AP1G1: variants seen among roughly 807,000 people sequenced by gnomAD.
AP1G1 encodes AP-1 complex subunit gamma-1.
A neutral mutation model predicts 108.3 loss-of-function variants in AP1G1; 7 were observed. The observed-to-expected ratio is 0.06, with a 90% CI of 0.04 to 0.12. AP1G1 has a LOEUF of 0.12. Ranked by LOEUF, AP1G1 falls within the 10% of genes least tolerant of loss-of-function variation. The pLI, the probability that AP1G1 is intolerant of heterozygous loss-of-function variation, is 1.00. For missense variants in AP1G1, 756 were observed against 1,010.7 expected (o/e 0.75, Z 3.42); for synonymous variants, 379 against 353.5 (o/e 1.07, Z -0.81).
rs2045473625 is a variant in AP1G1 at position 71,731,421 on chromosome 16, A to AG, written c.*1636dup. The AG allele has an allele frequency of 6.6e-6, 1 of 152,666 alleles. No individual in the cohort carries two copies. Among genetic ancestry groups the AG allele is most frequent in the South Asian group, 2.1e-4 (1 of 4,830 alleles). The allele number at this position is 152,666 out of a possible 1,614,324, so 9.5% of individuals were successfully genotyped here. A position where few individuals can be genotyped will look rare whatever the true frequency, so the allele number is the denominator to read the frequency against. ...TTTAAGTAAAGGCTTGGTGAAATGA[A>AG]GGGGAAAAAAAGGGATATTTGTTTC... On this transcript the variant is annotated 3_prime_UTR_variant, in exon 23 of 23. Transcript: ENST00000299980.
intron 6 of AP1G1, among the ~76,000 whole-genome samples, chr16:71,766,271 T>C (rs1391455274): frequency 2.6e-5 from 4 of 152,186 alleles, no homozygotes; most frequent in Admixed American, 1.3e-4. Context: ...GACTTATTTA[T>C]ATATATGGCT....
chr16:71,753,382 GTC>G (rs1450620860), intron 13 of AP1G1, among the ~76,000 whole-genome samples: 1 of 152,190 alleles, frequency 6.6e-6, no homozygotes, highest in East Asian at 1.9e-4. Flanking sequence ...CTCCGCTTAT[GTC>G]TCTGACATCC....
chr16:71,773,224 T>A lies in AP1G1; in HGVS notation c.465A>T (p.Lys155Asn). The change falls in exon 4 of 23, where the codon AAA becomes AAT. Residue 155 changes from lysine (K) to asparagine (N), a missense_variant. Transcript: ENST00000299980. The stretch of plus-strand genomic sequence containing the variant: ...CATTTGGTTCATTAAAAGTTACCTT[T>A]TTTCTTAAGTAAGAGTTGGAGGTTT... ...LLKTSNSYLR[K>N]KAALCAVHVI... is the part of the protein sequence containing the mutation. The A allele has an allele frequency of 6.2e-7, 1 of 1,613,352 alleles. No individual in the cohort carries two copies. Among genetic ancestry groups the A allele is most frequent in the Non-Finnish European group, 8.5e-7 (1 of 1,180,014 alleles).
intron 2 of AP1G1, among the ~76,000 whole-genome samples, chr16:71,775,979 G>A (rs1321514280): frequency 6.6e-6 from 1 of 152,086 alleles, no homozygotes; most frequent in Non-Finnish European, 1.5e-5. Flanking sequence ...GACAAACATG[G>A]AAAAGGCCAA....
intron 6 of AP1G1, among the ~76,000 whole-genome samples, chr16:71,765,986 T>C (rs755467545): frequency 1.3e-5 from 2 of 152,198 alleles, no homozygotes; most frequent in East Asian, 3.8e-4. Flanking sequence ...GCATGTAACA[T>C]GTCATCATGC....
At chr16:71,762,292 G>A (rs1327116470) in intron 9 of AP1G1, among the ~76,000 whole-genome samples, 1 of 152,100 alleles carries the variant, frequency 6.6e-6, no homozygotes, top group Non-Finnish European at 1.5e-5. Context: ...CCACTTATAT[G>A]AGGTACTGTG....
intron 22 of AP1G1, 58 bp downstream of exon 22, chr16:71,734,551 A>C: frequency 2.9e-6 from 4 of 1,393,294 alleles, no homozygotes; most frequent in Non-Finnish European, 4.1e-6. Flanking sequence ...GCAGAATTTT[A>C]TTTCGGGAAA....
intron 2 of AP1G1, among the ~76,000 whole-genome samples, chr16:71,779,377 A>G (rs930711771): frequency 7.9e-5 from 12 of 151,774 alleles, no homozygotes; most frequent in Non-Finnish European, 1.2e-4. Context: ...TCACTCTGAC[A>G]CCCAGGCTGG....
chr16:71,761,382 A>G lies in AP1G1; in HGVS notation c.974+130T>C. On this transcript the variant is annotated intron_variant, in intron 10 of 22. Transcript: ENST00000299980. ...TCACAAAACAGTGTTTTAAGACCAGAAAAACATAAAAATTCTGAGCTAAAA... is the reference window on the plus strand; with the variant it reads ...TCACAAAACAGTGTTTTAAGACCAGGAAAACATAAAAATTCTGAGCTAAAA... 6 of 728,574 alleles carry G rather than the reference A, an allele frequency of 8.2e-6. No individual in the cohort carries two copies. The East Asian group carries it at 1.6e-4, about 19-fold the overall frequency. 45.1% of individuals were successfully genotyped at this position (728,574 alleles called of 1,614,324 possible).
At chr16:71,794,439 CA>C (rs2032508369) in intron 1 of AP1G1, among the ~76,000 whole-genome samples, 1 of 151,660 alleles carries the variant, frequency 6.6e-6, no homozygotes, top group South Asian at 2.1e-4. Context: ...AAAGCGAACA[CA>C]AAAATATTAA....
chr16:71,733,039 T>A lies in AP1G1; in HGVS notation c.*19A>T. The A allele has an allele frequency of 6.3e-7, 1 of 1,590,032 alleles. No homozygotes were observed. The highest frequency in any genetic ancestry group is 8.6e-7 in the Non-Finnish European group (1 of 1,160,340). ...TCCTTTGATTGAGTGGGATAAAGAA[T>A]GAGAATGGTGCCAAACCCTCATTGC... On this transcript the variant is annotated 3_prime_UTR_variant, in exon 23 of 23. Transcript: ENST00000299980.
intron 9 of AP1G1, among the ~76,000 whole-genome samples, chr16:71,762,644 C>A (rs2031142906): frequency 6.6e-6 from 1 of 152,202 alleles, no homozygotes. Context: ...TGTGGAGCTT[C>A]CTGGAGGGCA....
chr16:71,765,902 G>A (rs1472206302), intron 6 of AP1G1, among the ~76,000 whole-genome samples: 1 of 152,166 alleles, frequency 6.6e-6, no homozygotes, highest in African/African-American at 2.4e-5. Flanking sequence ...GGGGCATACC[G>A]CATTTCTAGT....
chr16:71,808,548 C>A, intron 1 of AP1G1: 2 of 1,286,724 alleles, frequency 1.6e-6, no homozygotes, highest in Non-Finnish European at 2.0e-6. Context: ...GCGCGCGGAA[C>A]CTCCCGGTCC....
chr16:71,753,037 G>C (rs1209562311), intron 13 of AP1G1, among the ~76,000 whole-genome samples: 7 of 152,072 alleles, frequency 4.6e-5, no homozygotes, highest in Non-Finnish European at 7.4e-5. Flanking sequence ...TTAAATCGTA[G>C]ACTGTTCCCC....
At chr16:71,769,568 T>C (rs758634428) in intron 6 of AP1G1, 55 bp downstream of exon 6, 4 of 1,489,340 alleles carry the variant, frequency 2.7e-6, no homozygotes, top group Non-Finnish European at 2.8e-6. Context: ...CATGTACTTT[T>C]CAGGAAAATC....
intron 21 of AP1G1, 135 bp downstream of exon 21, chr16:71,738,807 A>G (rs2045582510): frequency 1.3e-6 from 1 of 785,410 alleles, no homozygotes; most frequent in African/African-American, 1.7e-5. Flanking sequence ...ACCATAAGCT[A>G]CATTATTGTT....
rs532755466 is a variant in AP1G1 at position 71,777,101 on chromosome 16, T to C, written c.202-2509A>G. Among the ~76,000 whole-genome samples, 16 of 75,366 alleles carry C rather than the reference T, an allele frequency of 2.1e-4. No individual in the cohort carries two copies. In the East Asian group the frequency reaches 4.3e-3, roughly 20 times the overall value. 49.4% of individuals were successfully genotyped at this position (75,366 alleles called of 152,430 possible). A position where few individuals can be genotyped will look rare whatever the true frequency, so the allele number is the denominator to read the frequency against. On this transcript the variant is annotated intron_variant, in intron 2 of 22. Coordinates refer to ENST00000299980, the MANE Select transcript of AP1G1 (RefSeq NM_001128.6). ...CTCCAGCCTAGGAAAACAGCCAAAC[T>C]GTTACAAAAAAAAAAAAAAAAAAAA...
At chr16:71,758,574 G>T in intron 11 of AP1G1, 1 of 606,324 alleles carries the variant, frequency 1.6e-6, no homozygotes. Flanking sequence ...ACTTCAGTGT[G>T]CACTTAAGTA....
Sources: gnomAD v4.1 joint callset for allele counts (sites outside exome capture counted in the v4.1 genomes callset) on GRCh38, gnomAD v4.1.1 for gene constraint, MANE v1.5 for transcripts, NCBI Gene and HGNC (gene_info 2026-07-23, HGNC 2026-07-21) for gene names.